Variants in COLQ observed in about 807,000 individuals in gnomAD.
The protein encoded by COLQ is collagen like tail subunit of asymmetric acetylcholinesterase.
COLQ carries 48 observed loss-of-function variants against 69.0 expected under a neutral mutation model. The observed-to-expected ratio is 0.70, with a 90% CI of 0.55 to 0.88. The LOEUF is 0.88. Among genes scored for constraint, COLQ ranks in the 40% least tolerant of loss-of-function variants. The pLI is 0.00. For missense variants in COLQ, 618 were observed against 594.6 expected, an observed-to-expected ratio of 1.04 and a Z score of -0.41; for synonymous variants, 217 against 211.2, an observed-to-expected ratio of 1.03 and a Z score of -0.24.
intron 1 of COLQ, among the ~76,000 whole-genome samples, chr3:15,502,878 C>T (rs934253208): frequency 3.3e-5 from 5 of 152,206 alleles, no homozygotes; most frequent in East Asian, 3.8e-4. Context: ...CATCACGAAA[C>T]GACGATGACC....
At chr3:15,479,438 G>GT in intron 3 of COLQ, 56 bp from the exon 4 acceptor site, 1 of 1,550,756 alleles carries the variant, frequency 6.4e-7, no homozygotes, top group Non-Finnish European at 8.9e-7. Flanking sequence ...AGCTGGATGG[G>GT]TGTGAGGCTC....
intron 1 of COLQ, among the ~76,000 whole-genome samples, chr3:15,512,062 G>A (rs1329594105): frequency 2.6e-5 from 4 of 151,828 alleles, no homozygotes; most frequent in African/African-American, 7.3e-5. Context: ...CGAAACCCCT[G>A]GAAAGTCCTC....
chr3:15,513,309 A>T (rs367991631), intron 1 of COLQ, among the ~76,000 whole-genome samples: 2 of 152,170 alleles, frequency 1.3e-5, no homozygotes, highest in East Asian at 1.9e-4. Flanking sequence ...CTCTCACACT[A>T]TCTATAGCAG....
At position 15,456,499 on chromosome 3, in the gene COLQ, A is replaced by C; in HGVS notation, c.1035T>G (p.Ser345=). 6.2e-6 allele frequency: 10 copies of C among 1,614,198 alleles called. No individual in the cohort carries two copies. The highest frequency in any genetic ancestry group is 8.5e-6 in the Non-Finnish European group (10 of 1,180,034). The change falls in exon 14 of 17, where the codon TCT becomes TCG. Residue 345 remains serine, a synonymous_variant. Transcript: ENST00000383788. ...NAIAFRRDQR[S]LYFKDSLGWL... is the part of the protein sequence containing the mutation. The stretch of plus-strand genomic sequence containing the variant: ...AGCCAAGGCTGTCCTTGAAGTACAG[A>C]GATCTCTGGTCTCTGCGGAAGGCAA...
At chr3:15,484,320 C>T (rs976601882) in intron 3 of COLQ, among the ~76,000 whole-genome samples, 1 of 152,066 alleles carries the variant, frequency 6.6e-6, no homozygotes, top group Non-Finnish European at 1.5e-5. Context: ...TGGTCTTTAC[C>T]GTTTGGTATG....
intron 12 of COLQ, among the ~76,000 whole-genome samples, chr3:15,464,414 G>A (rs564364963): frequency 2.1e-4 from 32 of 152,278 alleles, no homozygotes; most frequent in Non-Finnish European, 3.5e-4. Flanking sequence ...GTAGACCAAA[G>A]GTTGGAGGGA....
intron 1 of COLQ, among the ~76,000 whole-genome samples, chr3:15,497,432 T>A (rs557618316): frequency 2.2e-4 from 34 of 152,258 alleles, no homozygotes; most frequent in African/African-American, 7.9e-4. Context: ...AGCCCCACAA[T>A]AGGTTACTGG....
At position 15,520,271 on chromosome 3, in the gene COLQ, C is replaced by T. The variant is rs377542906; in HGVS notation, c.106+1249G>A. ...ACACACCCACGGTGACACCACCACT[C>T]ACCTTTCCTGCCCACCCTCCTGAAT... On this transcript the variant is annotated intron_variant, in intron 1 of 16. Coordinates refer to ENST00000383788, the MANE Select transcript of COLQ (RefSeq NM_005677.4). Among the ~76,000 whole-genome samples, 5 of 152,374 alleles carry T rather than the reference C, an allele frequency of 3.3e-5. No homozygotes were observed. The East Asian group carries it at 9.6e-4, about 29-fold the overall frequency.
rs1406597072 is a variant in COLQ at position 15,488,250 on chromosome 3, A to G, written c.277T>C (p.Cys93Arg). The part of the protein sequence containing the change: ...MLELETSQSP[C>R]MQGSLGSPGP... ...GGGGAGCCTAGCGAGCCTTGCATGC[A>G]CGGGGACTGCGAGGTCTCCAGTTCC... is the stretch of plus-strand genomic sequence containing the variant. The change falls in exon 3 of 17, where the codon TGC becomes CGC. Residue 93 changes from cysteine (C) to arginine (R), a missense_variant. Transcript: ENST00000383788. 1.2e-6 allele frequency: 2 copies of G among 1,613,596 alleles called. No individual in the cohort carries two copies. Among genetic ancestry groups the G allele is most frequent in the East Asian group, 2.2e-5 (1 of 44,886 alleles).
chr3:15,456,404 G>T, intron 14 of COLQ, 56 bp downstream of exon 14: 1 of 1,608,060 alleles, frequency 6.2e-7, no homozygotes, highest in Non-Finnish European at 8.5e-7. Flanking sequence ...TTCCTTTAAT[G>T]GATGCATCTC....
intron 3 of COLQ, 45 bp downstream of exon 3, chr3:15,488,161 C>A (rs2062604954): frequency 1.4e-6 from 2 of 1,416,924 alleles, no homozygotes; most frequent in Non-Finnish European, 2.0e-6. Flanking sequence ...GGCTTTCCTG[C>A]TCTAAACAGA....
Position 15,491,965 on chromosome 3 carries a change from G to A in COLQ, c.107-2328C>T, listed in dbSNP as rs2062674509. 2.6e-5 allele frequency among the ~76,000 whole-genome samples: 4 copies of A among 151,798 alleles called. No homozygotes were observed. In the South Asian group the frequency reaches 8.3e-4, roughly 31 times the overall value. The stretch of plus-strand genomic sequence containing the variant: ...CCTAGCTACTCAGGAGGCTGAGGCA[G>A]AAGAATTGCTTGAACCTGGGAGATG... On this transcript the variant is annotated intron_variant, in intron 1 of 16. Coordinates refer to ENST00000383788, the MANE Select transcript of COLQ (RefSeq NM_005677.4).
At chr3:15,505,978 C>T (rs1366897952) in intron 1 of COLQ, among the ~76,000 whole-genome samples, 10 of 152,202 alleles carry the variant, frequency 6.6e-5, no homozygotes, top group African/African-American at 1.9e-4. Flanking sequence ...GTCCAAGGGT[C>T]CACAACAGGT....
intron 1 of COLQ, chr3:15,498,521 C>T (rs1158786079): frequency 3.2e-6 from 5 of 1,551,690 alleles, no homozygotes; most frequent in Non-Finnish European, 4.4e-6. Context: ...CCCAAGCAGC[C>T]TGCCGAGTAA....
At chr3:15,461,185 T>G in intron 12 of COLQ, among the ~76,000 whole-genome samples, 1 of 145,002 alleles carries the variant, frequency 6.9e-6, no homozygotes, top group African/African-American at 2.6e-5. Flanking sequence ...CATTTTGCCT[T>G]TATTCCCCCC....
chr3:15,456,335 C>A, intron 14 of COLQ, 125 bp downstream of exon 14: 1 of 1,303,620 alleles, frequency 7.7e-7, no homozygotes, highest in Non-Finnish European at 1.1e-6. Flanking sequence ...GGATGCTCAG[C>A]CCTCCCATGC....
chr3:15,478,819 G>A, intron 5 of COLQ, 158 bp downstream of exon 5: 1 of 859,490 alleles, frequency 1.2e-6, no homozygotes, highest in Non-Finnish European at 1.9e-6. Flanking sequence ...GAAAGGGCAA[G>A]GTTACTACTG....
chr3:15,463,947 T>C (rs1020577898), intron 12 of COLQ, among the ~76,000 whole-genome samples: 4 of 152,244 alleles, frequency 2.6e-5, no homozygotes, highest in African/African-American at 9.6e-5. Context: ...TTATTACCCA[T>C]ACTAATCAGT....
chr3:15,466,521 C>T (rs2062203367), intron 11 of COLQ, 84 bp from the exon 12 acceptor site: 2 of 1,216,428 alleles, frequency 1.6e-6, no homozygotes, highest in South Asian at 2.5e-5. Flanking sequence ...CAGAGATCAC[C>T]TTGCACTTAA....
Sources: gnomAD v4.1 joint callset for allele counts (sites outside exome capture counted in the v4.1 genomes callset) on GRCh38, gnomAD v4.1.1 for gene constraint, MANE v1.5 for transcripts, NCBI Gene and HGNC (gene_info 2026-07-23, HGNC 2026-07-21) for gene names.